CSMD1: variants seen among roughly 807,000 people sequenced by gnomAD.
CSMD1 encodes CUB and Sushi multiple domains 1.
In CSMD1, 213 loss-of-function variants were observed where a neutral mutation model predicts 417.5. The ratio of observed to expected loss-of-function variants is 0.51; its 90% CI spans 0.46 to 0.57. The LOEUF is 0.57. Ranked by LOEUF, CSMD1 falls within the 20% of genes least tolerant of loss-of-function variation. The pLI, the probability that CSMD1 is intolerant of heterozygous loss-of-function variation, is 0.00. For synonymous variants in CSMD1, 2,862 were observed against 1,736.8 expected (o/e 1.65, Z -16.11); for missense variants, 6,923 against 4,529.7 (o/e 1.53, Z -15.17).
chr8:3,891,519 A>C (rs1428653316), intron 5 of CSMD1, among the ~76,000 whole-genome samples: 1 of 151,930 alleles, frequency 6.6e-6, no homozygotes, highest in Non-Finnish European at 1.5e-5. Flanking sequence ...ATGCCTAATC[A>C]CACACACACA....
intron 26 of CSMD1, among the ~76,000 whole-genome samples, chr8:3,251,982 T>C (rs952929179): frequency 1.3e-5 from 2 of 152,216 alleles, no homozygotes; most frequent in African/African-American, 2.4e-5. Flanking sequence ...AATGCGGTTT[T>C]CTAGATATAG....
chr8:2,968,803 C>A (rs1804194254), intron 57 of CSMD1, among the ~76,000 whole-genome samples: 2 of 152,074 alleles, frequency 1.3e-5, no homozygotes, highest in African/African-American at 4.8e-5. Flanking sequence ...AATAAATTAA[C>A]CTGTAAGTTT....
At chr8:3,194,059 A>C (rs1455497415) in intron 33 of CSMD1, among the ~76,000 whole-genome samples, 2 of 152,152 alleles carry the variant, frequency 1.3e-5, no homozygotes, top group African/African-American at 4.8e-5. Flanking sequence ...TTCCTCTCTC[A>C]TCGTTGGAAA....
chr8:4,416,451 T>C (rs1796945161), intron 3 of CSMD1, among the ~76,000 whole-genome samples: 1 of 152,084 alleles, frequency 6.6e-6, no homozygotes, highest in Non-Finnish European at 1.5e-5. Context: ...TTTGAAATTA[T>C]ATTCATAATA....
At chr8:3,511,020 C>T (rs1797042667) in intron 10 of CSMD1, among the ~76,000 whole-genome samples, 1 of 151,756 alleles carries the variant, frequency 6.6e-6, no homozygotes, top group Non-Finnish European at 1.5e-5. Context: ...GAAAACGTGG[C>T]ACTTATACAC....
At chr8:3,222,364 A>G (rs970053884) in intron 28 of CSMD1, among the ~76,000 whole-genome samples, 2 of 151,786 alleles carry the variant, frequency 1.3e-5, no homozygotes, top group East Asian at 3.9e-4. Context: ...TGCTCAGCTC[A>G]GACTAGACAC....
At chr8:4,584,990 C>G (rs1799627055) in intron 2 of CSMD1, among the ~76,000 whole-genome samples, 1 of 151,810 alleles carries the variant, frequency 6.6e-6, no homozygotes, top group African/African-American at 2.4e-5. Flanking sequence ...GAAATCAAAC[C>G]TCAACCAGAC....
At chr8:4,345,561 G>T (rs189059164) in intron 3 of CSMD1, among the ~76,000 whole-genome samples, 2 of 151,832 alleles carry the variant, frequency 1.3e-5, no homozygotes, top group African/African-American at 4.8e-5. Context: ...ATCACTCATC[G>T]GACAAAGCAC....
chr8:4,589,387 A>G (rs1456262091), intron 2 of CSMD1, among the ~76,000 whole-genome samples: 5 of 152,172 alleles, frequency 3.3e-5, no homozygotes, highest in Non-Finnish European at 7.4e-5. Context: ...AGGGACTCTG[A>G]ACCAAAAACC....
intron 3 of CSMD1, among the ~76,000 whole-genome samples, chr8:4,333,800 T>A (rs1039732054): frequency 6.6e-6 from 1 of 152,156 alleles, no homozygotes; most frequent in Non-Finnish European, 1.5e-5. Flanking sequence ...TGGAAACACA[T>A]TGCTTGTGTG....
In CSMD1 at chr8:4,103,239, A is replaced by G. The variant is rs772759678; in HGVS notation, c.416-71140T>C. Among the ~76,000 whole-genome samples the G allele has an allele frequency of 2.2e-5, 3 of 136,174 alleles. No homozygotes were observed. In the East Asian group the frequency reaches 6.6e-4, roughly 30 times the overall value. The allele number at this position is 136,174 out of a possible 152,430, so 89.3% of individuals were successfully genotyped here. On this transcript the variant is annotated intron_variant, in intron 3 of 69. Coordinates refer to ENST00000635120, the MANE Select transcript of CSMD1 (RefSeq NM_033225.6). ...TATATAATTATATACATATAAATCT[A>G]TACTGATGATCAGTGTATACATACA...
At chr8:4,208,652 G>C (rs1465378753) in intron 3 of CSMD1, among the ~76,000 whole-genome samples, 1 of 152,038 alleles carries the variant, frequency 6.6e-6, no homozygotes, top group South Asian at 2.1e-4. Flanking sequence ...GCAGTAGAAT[G>C]ACATAAAACC....
intron 2 of CSMD1, among the ~76,000 whole-genome samples, chr8:4,481,162 T>C (rs528946312): frequency 2.0e-5 from 3 of 152,358 alleles, no homozygotes; most frequent in South Asian, 4.1e-4. Context: ...AGATTCCGAA[T>C]ACACATCAGT....
At chr8:4,789,769 G>C (rs898592449) in intron 1 of CSMD1, among the ~76,000 whole-genome samples, 1 of 152,140 alleles carries the variant, frequency 6.6e-6, no homozygotes, top group African/African-American at 2.4e-5. Context: ...AATTTTTTAA[G>C]TTATCACTGT....
chr8:3,611,783 A>C (rs1801906359), intron 8 of CSMD1, among the ~76,000 whole-genome samples: 1 of 152,136 alleles, frequency 6.6e-6, no homozygotes, highest in Admixed American at 6.6e-5. Context: ...TAACTCGATG[A>C]ATCATTATTT....
At chr8:3,585,991 T>C (rs1360634090) in intron 9 of CSMD1, 145 bp downstream of exon 9, 9 of 812,760 alleles carry the variant, frequency 1.1e-5, no homozygotes, top group Middle Eastern at 2.4e-4. Context: ...GTTTCTGTTA[T>C]TACCCACATC....
rs961905750 is a variant in CSMD1 at position 4,260,215 on chromosome 8, G to T, written c.415+159738C>A. On this transcript the variant is annotated intron_variant, in intron 3 of 69. Coordinates refer to ENST00000635120, the MANE Select transcript of CSMD1 (RefSeq NM_033225.6). ...ATCAGGTGTTGCCTATCTAATTGGG[G>T]TGAACACTACCTCTTTGCTATTTCA... Among the ~76,000 whole-genome samples the T allele has an allele frequency of 1.8e-4, 27 of 152,224 alleles. No homozygotes were observed. The Middle Eastern group carries it at 0.027, about 153-fold the overall frequency.
chr8:4,078,132 A>T (rs1799930659), intron 3 of CSMD1, among the ~76,000 whole-genome samples: 1 of 152,180 alleles, frequency 6.6e-6, no homozygotes, highest in Non-Finnish European at 1.5e-5. Flanking sequence ...TGCTATAATG[A>T]ACTTTAAAAT....
intron 11 of CSMD1, among the ~76,000 whole-genome samples, chr8:3,488,715 C>T (rs1262327988): frequency 2.6e-5 from 4 of 151,874 alleles, no homozygotes; most frequent in East Asian, 1.9e-4. Flanking sequence ...GATAAGAGGC[C>T]GGGAAAGAAA....
Sources: gnomAD v4.1 joint callset for allele counts (sites outside exome capture counted in the v4.1 genomes callset) on GRCh38, gnomAD v4.1.1 for gene constraint, MANE v1.5 for transcripts, NCBI Gene and HGNC (gene_info 2026-07-23, HGNC 2026-07-21) for gene names.